VMP1: variants seen among roughly 807,000 people sequenced by gnomAD.
The protein encoded by VMP1 is ectopic P-granules autophagy protein 3 homolog.
A neutral mutation model predicts 56.0 loss-of-function variants in VMP1; 11 were observed. That is an observed-to-expected ratio of 0.20 (90% CI 0.12 to 0.32). The LOEUF (loss-of-function observed/expected upper bound fraction) is 0.32, where lower values mean the gene tolerates loss of function less well. VMP1 is among the 10% of genes least tolerant of loss of function. The pLI is 1.00. For synonymous variants in VMP1, 149 were observed against 165.0 expected (o/e 0.90, Z 0.74); for missense variants, 296 against 490.3 (o/e 0.60, Z 3.74).
At chr17:59,774,003 G>C in intron 7 of VMP1, 118 bp downstream of exon 7, 1 of 851,586 alleles carries the variant, frequency 1.2e-6, no homozygotes, top group Non-Finnish European at 1.6e-6. Context: ...AAAAAAAAAA[G>C]AAAGAAAAAT....
chr17:59,811,048 T>C (rs2038037150), intron 8 of VMP1, among the ~76,000 whole-genome samples: 1 of 152,210 alleles, frequency 6.6e-6, no homozygotes, highest in African/African-American at 2.4e-5. Flanking sequence ...CCACACTTGA[T>C]CTTCTTTATA....
chr17:59,806,216 A>G (rs754440252), intron 7 of VMP1, among the ~76,000 whole-genome samples: 6 of 152,190 alleles, frequency 3.9e-5, no homozygotes, highest in Non-Finnish European at 7.4e-5. Flanking sequence ...GGAGCAGTAA[A>G]TAATAAAATG....
chr17:59,757,855 G>GCC (rs200529749), intron 5 of VMP1, among the ~76,000 whole-genome samples: 10 of 95,056 alleles, frequency 1.1e-4, no homozygotes, highest in African/African-American at 4.0e-4. Flanking sequence ...ACCTTTATTT[G>GCC]CCACTTTTTT....
At chr17:59,737,801 G>T (rs951591887) in intron 4 of VMP1, among the ~76,000 whole-genome samples, 1 of 151,196 alleles carries the variant, frequency 6.6e-6, no homozygotes, top group Non-Finnish European at 1.5e-5. Flanking sequence ...ACAGAGTCTC[G>T]CTCTGTCACC....
intron 7 of VMP1, among the ~76,000 whole-genome samples, chr17:59,800,879 A>C (rs1032120890): frequency 3.9e-5 from 6 of 152,044 alleles, no homozygotes; most frequent in Non-Finnish European, 7.4e-5. Flanking sequence ...CAGGAGTTCG[A>C]GACCAGCCTG....
intron 7 of VMP1, among the ~76,000 whole-genome samples, chr17:59,792,060 C>T (rs1042204394): frequency 6.6e-6 from 1 of 151,956 alleles, no homozygotes; most frequent in African/African-American, 2.4e-5. Context: ...TCACTTGAGC[C>T]AAGGAGTTCA....
chr17:59,740,173 A>T (rs963367413), intron 5 of VMP1, among the ~76,000 whole-genome samples: 6 of 152,188 alleles, frequency 3.9e-5, no homozygotes, highest in African/African-American at 1.4e-4. Context: ...TCAGAGCTAG[A>T]ACTAGGGAGA....
At chr17:59,797,381 A>T (rs1156964692) in intron 7 of VMP1, among the ~76,000 whole-genome samples, 1 of 152,042 alleles carries the variant, frequency 6.6e-6, no homozygotes, top group Non-Finnish European at 1.5e-5. Context: ...CTTTTTAAAT[A>T]ATAGTTCAAA....
At chr17:59,816,945 CA>C (rs113395601) in intron 9 of VMP1, among the ~76,000 whole-genome samples, 14,347 of 66,734 alleles carry the variant, frequency 0.21, 799 homozygotes, top group Middle Eastern at 0.32. Flanking sequence ...GACTCCGTCT[CA>C]AAAAAAAAAA....
intron 5 of VMP1, among the ~76,000 whole-genome samples, chr17:59,740,845 T>C (rs1050322875): frequency 3.3e-5 from 5 of 152,156 alleles, no homozygotes; most frequent in African/African-American, 1.2e-4. Context: ...AGAAACTCAT[T>C]TGTAGCATTT....
At chr17:59,803,461 T>C (rs2037743064) in intron 7 of VMP1, among the ~76,000 whole-genome samples, 1 of 152,212 alleles carries the variant, frequency 6.6e-6, no homozygotes, top group Admixed American at 6.5e-5. Context: ...GTAATTTATT[T>C]ACCTATAATT....
intron 5 of VMP1, among the ~76,000 whole-genome samples, chr17:59,754,752 C>T (rs1430281892): frequency 6.6e-6 from 1 of 152,110 alleles, no homozygotes; most frequent in African/African-American, 2.4e-5. Context: ...CCCTGTCTTT[C>T]CCTAAGGAAT....
chr17:59,810,723 A>T (rs564048430), intron 8 of VMP1, among the ~76,000 whole-genome samples: 1 of 152,352 alleles, frequency 6.6e-6, no homozygotes, highest in East Asian at 1.9e-4. Context: ...TAATTTAGTC[A>T]TGTCTTTTTT....
intron 6 of VMP1, among the ~76,000 whole-genome samples, chr17:59,771,877 G>A (rs2036439201): frequency 6.6e-6 from 1 of 151,920 alleles, no homozygotes; most frequent in South Asian, 2.1e-4. Context: ...CATGACGTCT[G>A]ACCAACTTTT....
chr17:59,785,503 GTAAAAATACAAAATTTTTTGTAC>G (rs1243434217), intron 7 of VMP1, among the ~76,000 whole-genome samples: 5 of 151,862 alleles, frequency 3.3e-5, no homozygotes, highest in Non-Finnish European at 4.4e-5. Context: ...GTGAAACCTT[GTAAAAATACAAAATTTTTTGTAC>G]TAAAAATACA....
chr17:59,781,125 TGA>T (rs2036808718), intron 7 of VMP1, among the ~76,000 whole-genome samples: 1 of 152,204 alleles, frequency 6.6e-6, no homozygotes, highest in Non-Finnish European at 1.5e-5. Context: ...ATAAATTATC[TGA>T]GAGAGTACTA....
Position 59,777,812 on chromosome 17 carries a change from T to TCAAAACAAAACAAAA in VMP1, c.714+3958_714+3972dup, listed in dbSNP as rs199590116. Among the ~76,000 whole-genome samples, 125 of 148,542 alleles carry TCAAAACAAAACAAAA rather than the reference T, an allele frequency of 8.4e-4. 2 individuals are homozygous for TCAAAACAAAACAAAA. In the East Asian group the frequency reaches 0.011, roughly 13 times the overall value. On this transcript the variant is annotated intron_variant, in intron 7 of 11. Coordinates refer to ENST00000262291, the MANE Select transcript of VMP1 (RefSeq NM_030938.5). ...CTGGGCGACACAGCAAGACTCCGTC[T>TCAAAACAAAACAAAA]CAAAACAAAACAAAACAAAACAAAA...
chr17:59,791,355 A>G (rs982523218), intron 7 of VMP1, among the ~76,000 whole-genome samples: 2 of 151,250 alleles, frequency 1.3e-5, no homozygotes, highest in African/African-American at 4.9e-5. Context: ...CGCTCAGCTA[A>G]TTTTTTTATA....
intron 6 of VMP1, among the ~76,000 whole-genome samples, chr17:59,766,266 G>A (rs569326668): frequency 2.0e-4 from 31 of 152,160 alleles, no homozygotes; most frequent in African/African-American, 6.3e-4. Flanking sequence ...CACTTTGGGC[G>A]GCCAAGGCAG....
Sources: gnomAD v4.1 joint callset for allele counts (sites outside exome capture counted in the v4.1 genomes callset) on GRCh38, gnomAD v4.1.1 for gene constraint, MANE v1.5 for transcripts, NCBI Gene and HGNC (gene_info 2026-07-23, HGNC 2026-07-21) for gene names.